Variants in PTPRG observed in about 807,000 individuals in gnomAD.
PTPRG encodes the protein protein tyrosine phosphatase receptor type G.
PTPRG carries 102 observed loss-of-function variants against 165.3 expected under a neutral mutation model. The ratio of observed to expected loss-of-function variants is 0.62; its 90% CI spans 0.53 to 0.73. PTPRG has a LOEUF of 0.73. PTPRG is among the 30% of genes least tolerant of loss of function. The pLI is 0.00. For missense variants in PTPRG, 1,866 were observed against 1,861.4 expected (o/e 1.00, Z -0.05); for synonymous variants, 675 against 669.5 (o/e 1.01, Z -0.13).
intron 3 of PTPRG, among the ~76,000 whole-genome samples, chr3:61,993,704 A>G (rs2040953098): frequency 1.3e-5 from 2 of 152,136 alleles, no homozygotes; most frequent in African/African-American, 4.8e-5. Flanking sequence ...TTTTATATCT[A>G]TCTTGCATAC....
intron 1 of PTPRG, among the ~76,000 whole-genome samples, chr3:61,746,298 A>G (rs1277815432): frequency 2.1e-5 from 3 of 144,320 alleles, no homozygotes; most frequent in Non-Finnish European, 4.5e-5. Flanking sequence ...GGCTCACTGC[A>G]AGCCCCGCCT....
intron 4 of PTPRG, among the ~76,000 whole-genome samples, chr3:62,012,474 T>A (rs1011028597): frequency 6.6e-6 from 1 of 152,202 alleles, no homozygotes; most frequent in Non-Finnish European, 1.5e-5. Context: ...ATTTTTAAAT[T>A]TTTTTTATTT....
At chr3:62,014,227 A>ACC in intron 4 of PTPRG, among the ~76,000 whole-genome samples, 1 of 151,808 alleles carries the variant, frequency 6.6e-6, no homozygotes, top group Non-Finnish European at 1.5e-5. Context: ...ATTTCATTGC[A>ACC]CCCCCCCTTT....
At chr3:61,801,458 AT>A (rs200116984) in intron 2 of PTPRG, among the ~76,000 whole-genome samples, 3 of 151,412 alleles carry the variant, frequency 2.0e-5, no homozygotes, top group Non-Finnish European at 2.9e-5. Context: ...CATAAATATA[AT>A]TTTTTTTACA....
At chr3:61,674,004 G>C (rs1017150156) in intron 1 of PTPRG, among the ~76,000 whole-genome samples, 4 of 151,456 alleles carry the variant, frequency 2.6e-5, no homozygotes, top group Admixed American at 1.3e-4. Context: ...ACACATGGAG[G>C]GGAACATCAC....
At chr3:61,733,697 A>C (rs2032607381) in intron 1 of PTPRG, among the ~76,000 whole-genome samples, 1 of 152,220 alleles carries the variant, frequency 6.6e-6, no homozygotes, top group South Asian at 2.1e-4. Context: ...TTCTTCCCAA[A>C]ACATAAATTA....
At chr3:61,568,377 AG>A (rs1283783037) in intron 1 of PTPRG, among the ~76,000 whole-genome samples, 1 of 152,188 alleles carries the variant, frequency 6.6e-6, no homozygotes, top group Non-Finnish European at 1.5e-5. Context: ...CAGTATGAAA[AG>A]GATTGTTAGG....
chr3:62,012,834 G>A (rs1355673063), intron 4 of PTPRG, among the ~76,000 whole-genome samples: 1 of 152,162 alleles, frequency 6.6e-6, no homozygotes, highest in Admixed American at 6.5e-5. Flanking sequence ...GGCTGAACCT[G>A]TAGTAAAATA....
intron 4 of PTPRG, among the ~76,000 whole-genome samples, chr3:62,021,399 C>G (rs1326533940): frequency 6.6e-6 from 1 of 152,190 alleles, no homozygotes; most frequent in Non-Finnish European, 1.5e-5. Context: ...GACTGGTTGA[C>G]ATTTGAGAAT....
At chr3:61,905,659 A>G (rs1166123066) in intron 2 of PTPRG, among the ~76,000 whole-genome samples, 1 of 152,242 alleles carries the variant, frequency 6.6e-6, no homozygotes, top group Non-Finnish European at 1.5e-5. Context: ...TACAAAATCA[A>G]GAGAGAACTT....
At chr3:61,998,186 A>T (rs2041083761) in intron 3 of PTPRG, among the ~76,000 whole-genome samples, 1 of 152,196 alleles carries the variant, frequency 6.6e-6, no homozygotes, top group South Asian at 2.1e-4. Context: ...GTACTTGGTC[A>T]ACCCTTCCAG....
chr3:62,258,410 A>G (rs571224958), intron 16 of PTPRG, among the ~76,000 whole-genome samples: 1 of 152,324 alleles, frequency 6.6e-6, no homozygotes, highest in South Asian at 2.1e-4. Flanking sequence ...AGTGTACACA[A>G]CCAAAACAGA....
At chr3:61,817,224 A>G (rs2035812995) in intron 2 of PTPRG, among the ~76,000 whole-genome samples, 1 of 140,328 alleles carries the variant, frequency 7.1e-6, no homozygotes. Context: ...ATATATAAAT[A>G]TATATTTATA....
At chr3:61,886,298 T>C (rs1387567426) in intron 2 of PTPRG, among the ~76,000 whole-genome samples, 1 of 152,214 alleles carries the variant, frequency 6.6e-6, no homozygotes, top group African/African-American at 2.4e-5. Context: ...CTGTTACTTT[T>C]TATGGCTACT....
At chr3:61,616,127 C>A (rs964092483) in intron 1 of PTPRG, among the ~76,000 whole-genome samples, 1 of 152,032 alleles carries the variant, frequency 6.6e-6, no homozygotes, top group African/African-American at 2.4e-5. Context: ...ATTTTTGTAT[C>A]TTTAGTAGAG....
chr3:61,781,321 G>A (rs2034537344), intron 2 of PTPRG, among the ~76,000 whole-genome samples: 2 of 152,082 alleles, frequency 1.3e-5, no homozygotes, highest in Non-Finnish European at 2.9e-5. Context: ...AAACGTTGAG[G>A]GATGACTAGG....
intron 10 of PTPRG, among the ~76,000 whole-genome samples, chr3:62,197,954 T>G (rs1339503023): frequency 6.6e-6 from 1 of 152,152 alleles, no homozygotes; most frequent in Non-Finnish European, 1.5e-5. Flanking sequence ...TCCCTCTATG[T>G]TGATAAGGGG....
chr3:61,636,965 C>A (rs1463627275), intron 1 of PTPRG, among the ~76,000 whole-genome samples: 2 of 152,138 alleles, frequency 1.3e-5, no homozygotes, highest in Non-Finnish European at 2.9e-5. Flanking sequence ...ACCTTGGGTA[C>A]TATGCCAATT....
intron 1 of PTPRG, among the ~76,000 whole-genome samples, chr3:61,679,800 A>T (rs1703366356): frequency 6.6e-6 from 1 of 151,998 alleles, no homozygotes; most frequent in African/African-American, 2.4e-5. Flanking sequence ...AAAAACAGAA[A>T]AGCAAAAAAA....
Sources: gnomAD v4.1 joint callset for allele counts (sites outside exome capture counted in the v4.1 genomes callset) on GRCh38, gnomAD v4.1.1 for gene constraint, MANE v1.5 for transcripts, NCBI Gene and HGNC (gene_info 2026-07-23, HGNC 2026-07-21) for gene names.